SEMA4B: variants seen among roughly 807,000 people sequenced by gnomAD.
SEMA4B encodes semaphorin-4B.
Under a neutral mutation model 88.1 loss-of-function variants are expected in SEMA4B, and 55 were observed. That is an observed-to-expected ratio of 0.62 (90% confidence interval 0.50 to 0.78). SEMA4B has a LOEUF of 0.78. Ranked by LOEUF, SEMA4B falls within the 30% of genes least tolerant of loss-of-function variation. SEMA4B has a pLI of 0.00. For synonymous variants in SEMA4B, 525 were observed against 473.6 expected, an observed-to-expected ratio of 1.11 and a Z score of -1.41; for missense variants, 1,062 against 1,111.9, an observed-to-expected ratio of 0.96 and a Z score of 0.64.
Position 90,225,311 on chromosome 15 carries a change from G to T in SEMA4B, c.1435G>T (p.Val479Leu). The T allele has an allele frequency of 6.4e-7, 1 of 1,559,082 alleles. No individual in the cohort carries two copies. Among genetic ancestry groups the T allele is most frequent in the Non-Finnish European group, 8.7e-7 (1 of 1,152,100 alleles). The change falls in exon 11 of 14, where the codon GTG (valine) becomes TTG (leucine). Residue 479 changes from valine (V) to leucine (L), a missense_variant. Transcript: ENST00000411539. Reference sequence around the variant, plus strand: ...CGGCCGGCTCCACAAGGCAGTGAGCGTGGGCCCCCGGGTGCACATCATTGA... The same window carrying T: ...CGGCCGGCTCCACAAGGCAGTGAGCTTGGGCCCCCGGGTGCACATCATTGA... Reference protein sequence around the residue: ...GDGRLHKAVSVGPRVHIIEEL... With the variant: ...GDGRLHKAVSLGPRVHIIEEL...
chr15:90,188,702 A>G (rs917506727), intron 1 of SEMA4B, among the ~76,000 whole-genome samples: 106 of 149,312 alleles, frequency 7.1e-4, no homozygotes, highest in African/African-American at 2.7e-3. Flanking sequence ...TTTGAGACAG[A>G]GTCTCGCTCA....
rs772789697 is a variant in SEMA4B, at chr15:90,228,430, T to G, written c.2301T>G (p.Pro767=). 2.5e-6 allele frequency: 4 copies of G among 1,608,244 alleles called. No homozygotes were observed. Among genetic ancestry groups the G allele is most frequent in the Non-Finnish European group, 3.4e-6 (4 of 1,177,198 alleles). The change falls in exon 14 of 14, where the codon CCT becomes CCG. Residue 767 remains proline (P), a synonymous_variant. Coordinates refer to ENST00000411539, the MANE Select transcript of SEMA4B (RefSeq NM_198925.4). ...AGACCTGCCCTGTGGTGCTGCCCCC[T>G]GAGACCCGCCCACTCAACGGCCTAG... is the stretch of plus-strand genomic sequence containing the variant. ...HPKTCPVVLP[P]ETRPLNGLGP...
upstream of SEMA4B, among the ~76,000 whole-genome samples, chr15:90,199,272 G>C (rs1332805421): frequency 1.3e-5 from 2 of 152,178 alleles, no homozygotes; most frequent in African/African-American, 4.8e-5. Flanking sequence ...GGCCCTTGCA[G>C]TAACCAGGAG....
Position 90,221,773 on chromosome 15 carries a change from G to C in SEMA4B, c.861+8G>C. ...ATTGCCCGCATCTGCAAGGTGAGGGGAACGGGCTGACAGGGTGGCCACCCC... is the reference window on the plus strand; with the variant it reads ...ATTGCCCGCATCTGCAAGGTGAGGGCAACGGGCTGACAGGGTGGCCACCCC... On this transcript the variant is annotated splice_region_variant and intron_variant, in intron 7 of 13. Coordinates refer to ENST00000411539, the MANE Select transcript of SEMA4B (RefSeq NM_198925.4). 6.2e-7 allele frequency: 1 copy of C among 1,613,046 alleles called. No homozygotes were observed. Among genetic ancestry groups the C allele is most frequent in the Non-Finnish European group, 8.5e-7 (1 of 1,179,384 alleles).
At position 90,221,047 on chromosome 15, in the gene SEMA4B, C is replaced by T. The variant is rs928154108; in HGVS notation, c.549C>T (p.Gly183=). The part of the protein sequence containing the change: ...KGNVLLEDGK[G]RCPFDPNFKS... ...ATGTCCTCCTGGAAGATGGCAAGGGCCGTTGTCCCTTCGACCCGAATTTCA... is the reference window on the plus strand; with the variant it reads ...ATGTCCTCCTGGAAGATGGCAAGGGTCGTTGTCCCTTCGACCCGAATTTCA... The change falls in exon 5 of 14, where the codon GGC becomes GGT. Residue 183 remains glycine, a synonymous_variant. Coordinates refer to ENST00000411539, the MANE Select transcript of SEMA4B (RefSeq NM_198925.4). The T allele has an allele frequency of 1.9e-6, 3 of 1,611,110 alleles. No individual in the cohort carries two copies. Among genetic ancestry groups the T allele is most frequent in the Middle Eastern group, 1.7e-4 (1 of 6,060 alleles).
At chr15:90,206,317 C>T (rs1306563553) in intron 1 of SEMA4B, among the ~76,000 whole-genome samples, 2 of 152,206 alleles carry the variant, frequency 1.3e-5, no homozygotes, top group African/African-American at 4.8e-5. Context: ...TCGAGGCCTG[C>T]CTTCCCTCAG....
intron 1 of SEMA4B, among the ~76,000 whole-genome samples, chr15:90,207,362 A>G (rs887701908): frequency 1.3e-5 from 2 of 152,316 alleles, no homozygotes; most frequent in Middle Eastern, 3.4e-3. Flanking sequence ...ATACTCCTAA[A>G]GAGGAGCCAA....
intron 1 of SEMA4B, among the ~76,000 whole-genome samples, chr15:90,186,243 AT>A (rs906355258): frequency 8.0e-4 from 121 of 151,880 alleles, no homozygotes; most frequent in African/African-American, 2.9e-3. Context: ...CTTTTTGGAG[AT>A]TATACCTTCT....
chr15:90,197,714 G>C (rs946401154), upstream of SEMA4B, among the ~76,000 whole-genome samples: 3 of 151,692 alleles, frequency 2.0e-5, no homozygotes, highest in African/African-American at 7.3e-5. Context: ...TGGGATTACA[G>C]GCGTGAGCCA....
chr15:90,194,813 T>C (rs1247834866), intron 1 of SEMA4B, among the ~76,000 whole-genome samples: 1 of 152,216 alleles, frequency 6.6e-6, no homozygotes, highest in Non-Finnish European at 1.5e-5. Context: ...TTCATGTTCT[T>C]TCTCTCTAGT....
At chr15:90,201,224 C>G (rs570360329), upstream of SEMA4B, 2 of 789,102 alleles carry the variant, frequency 2.5e-6, no homozygotes, top group Non-Finnish European at 3.1e-6. Context: ...GGCAGCGCCC[C>G]GAGCTGCCGC....
At position 90,207,929 on chromosome 15, in the gene SEMA4B, C is replaced by A. The variant is rs563876044; in HGVS notation, c.157+6194C>A. 2.0e-5 allele frequency among the ~76,000 whole-genome samples: 3 copies of A among 152,302 alleles called. No individual in the cohort carries two copies. In the South Asian group the frequency reaches 6.2e-4, roughly 32 times the overall value. ...GTGGGCCACAGCCAGCCTGGAGATA[C>A]ATTTTGTTTGACTTCCAAGTTCTTT... On this transcript the variant is annotated intron_variant, in intron 1 of 13. Coordinates refer to ENST00000411539, the MANE Select transcript of SEMA4B (RefSeq NM_198925.4).
Position 90,212,552 on chromosome 15 carries a change from G to T in SEMA4B, c.158-4887G>T, listed in dbSNP as rs577467818. 7.2e-5 allele frequency among the ~76,000 whole-genome samples: 11 copies of T among 152,194 alleles called. No individual in the cohort carries two copies. Among genetic ancestry groups the T allele is most frequent in the African/African-American group, 2.7e-4 (11 of 41,506 alleles). ...TGACCCCAAGGTGCGCCAGCCCCTC[G>T]CAGGAAGTAAAGTGCAGAAACACCT... is the stretch of plus-strand genomic sequence containing the variant. On this transcript the variant is annotated intron_variant, in intron 1 of 13. Transcript: ENST00000411539. The surrounding 1 kb of genome is among the most constrained non-coding windows in gnomAD (Gnocchi z 4.0).
chr15:90,206,228 G>A (rs1212458812), intron 1 of SEMA4B, among the ~76,000 whole-genome samples: 5 of 152,162 alleles, frequency 3.3e-5, no homozygotes, highest in African/African-American at 7.2e-5. Flanking sequence ...TCAGGCTGGC[G>A]CAGGACTCAG....
chr15:90,186,877 G>A (rs769509312), intron 1 of SEMA4B, among the ~76,000 whole-genome samples: 4 of 152,036 alleles, frequency 2.6e-5, no homozygotes, highest in Non-Finnish European at 5.9e-5. Context: ...AGCTTGCAGT[G>A]AGCCGAGATT....
At chr15:90,196,555 C>T (rs1960513622), upstream of SEMA4B, among the ~76,000 whole-genome samples, 1 of 152,100 alleles carries the variant, frequency 6.6e-6, no homozygotes, top group South Asian at 2.1e-4. Context: ...GGCGTGATCT[C>T]GGATCACTGC....
chr15:90,224,735 G>A (rs760902894), intron 9 of SEMA4B, among the ~76,000 whole-genome samples: 3 of 152,172 alleles, frequency 2.0e-5, no homozygotes, highest in Non-Finnish European at 4.4e-5. Flanking sequence ...TGGGGTGGTG[G>A]GCAGGGAGGA....
rs764152249 is a variant in SEMA4B at position 90,224,992 on chromosome 15, A to G, written c.1219A>G (p.Arg407Gly). The stretch of plus-strand genomic sequence containing the variant: ...GTGCATCACCAACAGTGCCCGGGAA[A>G]GGAAGATCAACTCATCCCTGCAGCT... ...GACITNSARE[R>G]KINSSLQLPD... Residue 407 changes from arginine (R) to glycine (G), a missense_variant, in exon 10 of 14, where the codon AGG becomes GGG. Coordinates refer to ENST00000411539, the MANE Select transcript of SEMA4B (RefSeq NM_198925.4). 1.6e-5 allele frequency: 26 copies of G among 1,613,862 alleles called. No individual in the cohort carries two copies. The highest frequency in any genetic ancestry group is 3.3e-4 in the Middle Eastern group (2 of 6,084).
chr15:90,206,654 G>A, intron 1 of SEMA4B: 1 of 667,670 alleles, frequency 1.5e-6, no homozygotes, highest in Non-Finnish European at 2.7e-6. Flanking sequence ...CCTCATCCAC[G>A]ATGGCCTAGC....
Sources: gnomAD v4.1 joint callset for allele counts (sites outside exome capture counted in the v4.1 genomes callset) on GRCh38, gnomAD v4.1.1 for gene constraint, Gnocchi (gnomAD v3.1) non-coding constraint, MANE v1.5 for transcripts, NCBI Gene and HGNC (gene_info 2026-07-23, HGNC 2026-07-21) for gene names.